IFFO2: variants seen among roughly 807,000 people sequenced by gnomAD.
IFFO2 encodes the protein intermediate filament family orphan 2.
A neutral mutation model predicts 53.5 loss-of-function variants in IFFO2; 19 were observed. That is an observed-to-expected ratio of 0.36 (90% CI 0.25 to 0.52). The LOEUF is 0.52. IFFO2 is among the 20% of genes least tolerant of loss of function. The pLI, the probability that IFFO2 is intolerant of heterozygous loss-of-function variation, is 0.94. For synonymous variants in IFFO2, 303 were observed against 313.6 expected (o/e 0.97, Z 0.36); for missense variants, 570 against 727.4 (o/e 0.78, Z 2.49).
intron 1 of IFFO2, among the ~76,000 whole-genome samples, chr1:18,929,520 CA>C (rs1936344540): frequency 6.6e-6 from 1 of 152,204 alleles, no homozygotes; most frequent in African/African-American, 2.4e-5. Context: ...CATCGCCAGG[CA>C]GGGGGGATGA....
chr1:18,922,806 G>T (rs1936233326), intron 1 of IFFO2, among the ~76,000 whole-genome samples: 1 of 152,242 alleles, frequency 6.6e-6, no homozygotes, highest in Non-Finnish European at 1.5e-5. Context: ...CTGAAGCCGA[G>T]TGGTCAAGCC....
chr1:18,922,504 C>T (rs1936229794), intron 1 of IFFO2, among the ~76,000 whole-genome samples: 1 of 152,188 alleles, frequency 6.6e-6, no homozygotes, highest in East Asian at 1.9e-4. Context: ...TGTTTGCACA[C>T]ACAGAGGAAA....
In IFFO2 at chr1:18,956,204, C is replaced by G; in HGVS notation, c.129G>C (p.Thr43=). 2.8e-6 allele frequency: 4 copies of G among 1,419,700 alleles called. No individual in the cohort carries two copies. Among genetic ancestry groups the G allele is most frequent in the Non-Finnish European group, 3.7e-6 (4 of 1,069,278 alleles). The allele number at this position is 1,419,700 out of a possible 1,614,324, so 87.9% of individuals were successfully genotyped here. The stretch of plus-strand genomic sequence containing the variant: ...AGCCCAGGTCGTCCCGCAGCGCCGC[C>G]GTCACCGGCGACGGACCCGGCCCTG... The part of the protein sequence containing the change: ...GGAGPGPSPV[T]AALRDDLGSN... The change falls in exon 1 of 9, where the codon ACG becomes ACC. Residue 43 remains threonine, a synonymous_variant. Coordinates refer to ENST00000455833, the MANE Select transcript of IFFO2 (RefSeq NM_001136265.2). The surrounding 1 kb of genome is among the most constrained non-coding windows in gnomAD (Gnocchi z 6.4).
At chr1:18,931,001 T>G (rs1936368439) in intron 1 of IFFO2, among the ~76,000 whole-genome samples, 1 of 152,006 alleles carries the variant, frequency 6.6e-6, no homozygotes, top group African/African-American at 2.4e-5. Flanking sequence ...TGAGATCCCA[T>G]CCCTACAAAA....
At chr1:18,911,865 G>T in intron 6 of IFFO2, 98 bp downstream of exon 6, 1 of 1,428,872 alleles carries the variant, frequency 7.0e-7, no homozygotes, top group South Asian at 1.3e-5. Flanking sequence ...GCTGTGTGGT[G>T]GGGGCTGTAG....
In IFFO2 at chr1:18,921,041, G is replaced by T. The variant is rs891744209; in HGVS notation, c.726+20C>A. 5.2e-6 allele frequency: 8 copies of T among 1,550,696 alleles called. No individual in the cohort carries two copies. The highest frequency in any genetic ancestry group is 3.9e-5 in the Admixed American group (2 of 50,978). ...CTCTCTGGCGTGCCTCTCCTGGTCG[G>T]GATATCGGAGGGCTCTTACCTCCTG... On this transcript the variant is annotated intron_variant, in intron 2 of 8. Transcript: ENST00000455833.
chr1:18,936,481 A>T lies in IFFO2; in HGVS notation c.666-15360T>A, dbSNP rs749836906. On this transcript the variant is annotated intron_variant, in intron 1 of 8. Coordinates refer to ENST00000455833, the MANE Select transcript of IFFO2 (RefSeq NM_001136265.2). This position sits in a 1 kb window ranked among gnomAD's most constrained non-coding sequence, Gnocchi z 4.5. ...CTGGGCAGCAGGTCTTTGGGCACTC[A>T]GGTCAAGAGGCAGGAGGCCCAGGGG... is the stretch of plus-strand genomic sequence containing the variant. Among the ~76,000 whole-genome samples, 1 of 152,174 alleles carries T rather than the reference A, an allele frequency of 6.6e-6. No homozygotes were observed. The highest frequency in any genetic ancestry group is 2.4e-5 in the African/African-American group (1 of 41,438).
chr1:18,940,530 A>C lies in IFFO2; in HGVS notation c.665+15138T>G, dbSNP rs185948477. Among the ~76,000 whole-genome samples the C allele has an allele frequency of 2.2e-4, 34 of 151,374 alleles. No homozygotes were observed. The East Asian group carries it at 6.5e-3, about 29-fold the overall frequency. On this transcript the variant is annotated intron_variant, in intron 1 of 8. Transcript: ENST00000455833. ...GGGACTGAGCACCGTGGCCCAGAAA[A>C]GGATGGATGGATGGACAGACTGATG...
intron 8 of IFFO2, among the ~76,000 whole-genome samples, chr1:18,910,084 C>A (rs750397728): frequency 5.3e-5 from 8 of 152,154 alleles, no homozygotes; most frequent in Non-Finnish European, 1.2e-4. Flanking sequence ...ACAGAGCAGG[C>A]CTTTGGCAAG....
chr1:18,924,400 G>T (rs1936254291), intron 1 of IFFO2, among the ~76,000 whole-genome samples: 4 of 152,202 alleles, frequency 2.6e-5, no homozygotes, highest in South Asian at 4.1e-4. Flanking sequence ...CAAGAGTAAG[G>T]TTTCAGTGGG....
At chr1:18,935,953 C>T (rs144680351) in intron 1 of IFFO2, among the ~76,000 whole-genome samples, 8 of 147,708 alleles carry the variant, frequency 5.4e-5, no homozygotes, top group East Asian at 2.0e-4. Flanking sequence ...GCGATCCTCT[C>T]GCCTCAGACT....
In IFFO2 at chr1:18,908,499, C is replaced by A. The variant is rs1201401734; in HGVS notation, c.*62G>T. The A allele has an allele frequency of 4.0e-6, 5 of 1,250,406 alleles. No individual in the cohort carries two copies. In the Admixed American group the frequency reaches 7.9e-5, roughly 20 times the overall value. 77.5% of individuals were successfully genotyped at this position (1,250,406 alleles called of 1,614,324 possible). On this transcript the variant is annotated 3_prime_UTR_variant, in exon 9 of 9. Transcript: ENST00000455833. ...CCCCACTCCGAGGGGCCTTCCTGGC[C>A]CCATGAGGAGAGGTGGCAGGGCCCC...
Position 18,921,112 on chromosome 1 carries a change from C to T in IFFO2, c.675G>A (p.Glu225=). 1 of 1,551,912 alleles carries T rather than the reference C, an allele frequency of 6.4e-7. No individual in the cohort carries two copies. Among genetic ancestry groups the T allele is most frequent in the Non-Finnish European group, 8.7e-7 (1 of 1,147,032 alleles). ...GAAGGTTCATGCGCTTGGCGAGCTC[C>T]TCCTCCCACCTGCAAAAGCCAAGAG... The part of the protein sequence containing the change: ...ERDEYKRRWE[E]ELAKRMNLQT... The change falls in exon 2 of 9, where the codon GAG becomes GAA. Residue 225 remains glutamate (E), a synonymous_variant. Coordinates refer to ENST00000455833, the MANE Select transcript of IFFO2 (RefSeq NM_001136265.2).
At chr1:18,926,484 C>G (rs926870412) in intron 1 of IFFO2, among the ~76,000 whole-genome samples, 4 of 152,160 alleles carry the variant, frequency 2.6e-5, no homozygotes, top group African/African-American at 9.7e-5. Context: ...TCCACAAAAG[C>G]ACAAAGCAGC....
At chr1:18,926,978 C>T (rs1047835998) in intron 1 of IFFO2, among the ~76,000 whole-genome samples, 6 of 152,314 alleles carry the variant, frequency 3.9e-5, no homozygotes, top group Admixed American at 3.3e-4. Flanking sequence ...CCCAAGACAC[C>T]AGGGCAGCAA....
chr1:18,927,970 T>A (rs915120396), intron 1 of IFFO2, among the ~76,000 whole-genome samples: 1 of 151,842 alleles, frequency 6.6e-6, no homozygotes, highest in Non-Finnish European at 1.5e-5. Context: ...GATAAGGGAG[T>A]GGGAGTGGGG....
chr1:18,920,592 G>T (rs1348657936), intron 2 of IFFO2, among the ~76,000 whole-genome samples: 4 of 152,220 alleles, frequency 2.6e-5, no homozygotes, highest in Admixed American at 6.5e-5. Context: ...GCAGCAAGGG[G>T]AATGTTCCCA....
chr1:18,943,760 A>T (rs994391717), intron 1 of IFFO2, among the ~76,000 whole-genome samples: 1 of 152,296 alleles, frequency 6.6e-6, no homozygotes, highest in Non-Finnish European at 1.5e-5. Context: ...GAGGCTGGAG[A>T]AGTGCCTTTT....
chr1:18,920,809 G>A (rs1569842044), intron 2 of IFFO2, among the ~76,000 whole-genome samples: 4 of 152,170 alleles, frequency 2.6e-5, no homozygotes, highest in Admixed American at 6.5e-5. Context: ...CTTGCACCCC[G>A]GGACCTGGAC....
Sources: gnomAD v4.1 joint callset for allele counts (sites outside exome capture counted in the v4.1 genomes callset) on GRCh38, gnomAD v4.1.1 for gene constraint, Gnocchi (gnomAD v3.1) non-coding constraint, MANE v1.5 for transcripts, NCBI Gene and HGNC (gene_info 2026-07-23, HGNC 2026-07-21) for gene names.